Variants in TP63 observed in about 807,000 individuals in gnomAD.
The protein encoded by TP63 is tumor protein 63.
In TP63, 17 loss-of-function variants were observed where a neutral mutation model predicts 82.8. The ratio of observed to expected loss-of-function variants is 0.21; its 90% CI spans 0.14 to 0.31. The LOEUF (loss-of-function observed/expected upper bound fraction) is 0.31. Among genes scored for constraint, TP63 ranks in the 10% least tolerant of loss-of-function variants. The pLI is 1.00. For missense variants in TP63, 648 were observed against 895.3 expected (o/e 0.72, Z 3.52); for synonymous variants, 330 against 321.7 (o/e 1.03, Z -0.28).
At position 189,718,783 on chromosome 3, in the gene TP63, A is replaced by T. The variant is rs553386873; in HGVS notation, c.63-18957A>T. Reference sequence around the variant, plus strand: ...TTCCTTGGGGGTAGAGAACCTATACATGTAAGATGGGATTGTCATTTTTGG... The same window carrying T: ...TTCCTTGGGGGTAGAGAACCTATACTTGTAAGATGGGATTGTCATTTTTGG... On this transcript the variant is annotated intron_variant, in intron 1 of 13. Coordinates refer to ENST00000264731, the MANE Select transcript of TP63 (RefSeq NM_003722.5). Among the ~76,000 whole-genome samples the T allele has an allele frequency of 3.9e-4, 60 of 152,198 alleles. 3 individuals are homozygous for T. The South Asian group carries it at 5.8e-3, about 15-fold the overall frequency.
At chr3:189,817,500 T>G (rs564454085) in intron 4 of TP63, among the ~76,000 whole-genome samples, 5 of 152,300 alleles carry the variant, frequency 3.3e-5, no homozygotes, top group Admixed American at 6.5e-5. Flanking sequence ...GCTGTGAGGC[T>G]TAATTAAAGT....
Position 189,865,356 on chromosome 3 carries a change from G to A in TP63, c.766+938G>A, listed in dbSNP as rs145590541. Reference sequence around the variant, plus strand: ...GACGCTATATCCATGAATAAGTCATGCCTCATATTCTACATCTCAGATCCT... The same window carrying A: ...GACGCTATATCCATGAATAAGTCATACCTCATATTCTACATCTCAGATCCT... On this transcript the variant is annotated intron_variant, in intron 5 of 13. Transcript: ENST00000264731. 1.5e-3 allele frequency among the ~76,000 whole-genome samples: 236 copies of A among 152,296 alleles called. 1 individual carries two copies. Among genetic ancestry groups the A allele is most frequent in the African/African-American group, 3.9e-3 (164 of 41,556 alleles).
intron 4 of TP63, among the ~76,000 whole-genome samples, chr3:189,852,553 G>A (rs1031155994): frequency 3.9e-5 from 6 of 152,194 alleles, no homozygotes; most frequent in Non-Finnish European, 7.3e-5. Flanking sequence ...AATCCAAAGA[G>A]TTTCCCCCAT....
At chr3:189,669,033 C>T (rs1480384436) in intron 1 of TP63, among the ~76,000 whole-genome samples, 2 of 150,220 alleles carry the variant, frequency 1.3e-5, no homozygotes, top group East Asian at 3.9e-4. Flanking sequence ...AAAAAAAAAC[C>T]TTAAAATCCA....
At chr3:189,888,652 A>G (rs1368641409) in intron 11 of TP63, among the ~76,000 whole-genome samples, 1 of 152,240 alleles carries the variant, frequency 6.6e-6, no homozygotes, top group Admixed American at 6.5e-5. Context: ...TTTTATAAAT[A>G]TTGATATTAA....
intron 1 of TP63, among the ~76,000 whole-genome samples, chr3:189,732,964 A>G (rs1336364096): frequency 1.3e-5 from 2 of 152,200 alleles, no homozygotes; most frequent in African/African-American, 2.4e-5. Flanking sequence ...AGTACTAAGT[A>G]AGGAAGAGAG....
At chr3:189,857,253 C>A (rs1453397803) in intron 4 of TP63, among the ~76,000 whole-genome samples, 1 of 152,014 alleles carries the variant, frequency 6.6e-6, no homozygotes, top group African/African-American at 2.4e-5. Flanking sequence ...AATAAAGAGT[C>A]CAAGGCAGCT....
intron 4 of TP63, among the ~76,000 whole-genome samples, chr3:189,810,439 T>A (rs1727418746): frequency 6.6e-6 from 1 of 152,216 alleles, no homozygotes; most frequent in Non-Finnish European, 1.5e-5. Context: ...ATATTAGGGC[T>A]GCTAAATGAA....
chr3:189,628,181 A>G (rs1729362057), upstream of TP63, among the ~76,000 whole-genome samples: 1 of 152,086 alleles, frequency 6.6e-6, no homozygotes, highest in African/African-American at 2.4e-5. Context: ...AGGACAGTAG[A>G]AGTGGGGAAG....
chr3:189,687,734 A>G (rs144412756), intron 1 of TP63, among the ~76,000 whole-genome samples: 320 of 152,336 alleles, frequency 2.1e-3, no homozygotes, highest in African/African-American at 7.4e-3. Flanking sequence ...GTACAATGGT[A>G]GAGGAACCAT....
chr3:189,880,760 A>G, intron 10 of TP63: 1 of 985,452 alleles, frequency 1.0e-6, no homozygotes, highest in Non-Finnish European at 1.2e-6. Context: ...CATTACCAAA[A>G]GTAATCAACT....
At chr3:189,804,531 G>A (rs938653374) in intron 3 of TP63, among the ~76,000 whole-genome samples, 1 of 152,302 alleles carries the variant, frequency 6.6e-6, no homozygotes, top group Admixed American at 6.5e-5. Context: ...GGTGACACTT[G>A]TTCTTCTTGA....
chr3:189,767,531 A>G (rs1281535370), intron 3 of TP63, among the ~76,000 whole-genome samples: 1 of 152,186 alleles, frequency 6.6e-6, no homozygotes, highest in Non-Finnish European at 1.5e-5. Context: ...TTTCTTTGCT[A>G]GTTTCGTATT....
At chr3:189,787,701 T>A (rs1298948134) in intron 3 of TP63, among the ~76,000 whole-genome samples, 2 of 152,074 alleles carry the variant, frequency 1.3e-5, no homozygotes, top group Non-Finnish European at 2.9e-5. Flanking sequence ...TAGATTTAGG[T>A]GTTCAAATGG....
At chr3:189,749,620 T>C (rs916209949) in intron 3 of TP63, among the ~76,000 whole-genome samples, 4 of 152,044 alleles carry the variant, frequency 2.6e-5, no homozygotes, top group Non-Finnish European at 5.9e-5. Flanking sequence ...CTACAGAAAA[T>C]AGTATGGAGA....
intron 3 of TP63, among the ~76,000 whole-genome samples, chr3:189,790,683 G>A (rs1231808911): frequency 6.6e-6 from 1 of 152,110 alleles, no homozygotes; most frequent in African/African-American, 2.4e-5. Context: ...TCAGAATGGG[G>A]CAGCTGTGTT....
At chr3:189,843,887 C>A (rs1176557064) in intron 4 of TP63, among the ~76,000 whole-genome samples, 1 of 152,126 alleles carries the variant, frequency 6.6e-6, no homozygotes, top group Non-Finnish European at 1.5e-5. Context: ...ATATTTACTG[C>A]CCCATTATAC....
At chr3:189,809,215 A>C (rs892584565) in intron 4 of TP63, among the ~76,000 whole-genome samples, 5 of 152,178 alleles carry the variant, frequency 3.3e-5, no homozygotes, top group Admixed American at 6.5e-5. Context: ...TTGTTAAAGA[A>C]AAATCTTTCT....
chr3:189,838,585 C>A (rs537197381), intron 4 of TP63, among the ~76,000 whole-genome samples: 22 of 152,136 alleles, frequency 1.4e-4, no homozygotes, highest in African/African-American at 4.6e-4. Flanking sequence ...CCAAGCACCC[C>A]CTACACCTAC....
Sources: gnomAD v4.1 joint callset for allele counts (sites outside exome capture counted in the v4.1 genomes callset) on GRCh38, gnomAD v4.1.1 for gene constraint, MANE v1.5 for transcripts, NCBI Gene and HGNC (gene_info 2026-07-23, HGNC 2026-07-21) for gene names.